Variants in ANK3 observed in about 807,000 individuals in gnomAD.
ANK3 encodes ankyrin-3.
In ANK3, 57 loss-of-function variants were observed where a neutral mutation model predicts 370.9. The ratio of observed to expected loss-of-function variants is 0.15; its 90% CI spans 0.12 to 0.19. The LOEUF is 0.19. ANK3 is among the 10% of genes least tolerant of loss of function. ANK3 has a pLI of 1.00. For missense variants in ANK3, 4,439 were observed against 5,302.1 expected, an observed-to-expected ratio of 0.84 and a Z score of 5.06; for synonymous variants, 1,929 against 1,946.3, an observed-to-expected ratio of 0.99 and a Z score of 0.23.
intron 7 of ANK3, among the ~76,000 whole-genome samples, chr10:60,253,901 CA>C (rs1227084697): frequency 6.6e-6 from 1 of 151,850 alleles, no homozygotes; most frequent in Non-Finnish European, 1.5e-5. Flanking sequence ...ATTCAAATGC[CA>C]AAAAAAGTCT....
At chr10:60,348,087 A>C (rs2056032234) in intron 1 of ANK3, among the ~76,000 whole-genome samples, 1 of 152,068 alleles carries the variant, frequency 6.6e-6, no homozygotes, top group African/African-American at 2.4e-5. Context: ...TCCTACACTA[A>C]TTTAGGGCCT....
chr10:60,230,959 G>A (rs190554829), intron 8 of ANK3, among the ~76,000 whole-genome samples: 15 of 150,020 alleles, frequency 1.0e-4, no homozygotes, highest in Non-Finnish European at 1.6e-4. Flanking sequence ...ACACCTCTAA[G>A]AAGATTCATG....
rs199886534 is a variant in ANK3 at position 60,696,290 on chromosome 10, C to T, written c.57+36973G>A. 4.2e-3 allele frequency among the ~76,000 whole-genome samples: 635 copies of T among 149,412 alleles called. 20 individuals are homozygous for T. In the East Asian group the frequency reaches 0.088, roughly 21 times the overall value. On this transcript the variant is annotated intron_variant, in intron 1 of 43. Coordinates refer to the ANK3 transcript ENST00000373827. ...TTACCAACCAAAAAGAGTCCAGGAC[C>T]AGATGGATTCACAGCCGAATTCTAC...
Position 60,070,699 on chromosome 10 carries a change from C to T in ANK3, c.10182G>A (p.Glu3394=), listed in dbSNP as rs1267435472. 2 of 1,614,050 alleles carry T rather than the reference C, an allele frequency of 1.2e-6. No individual in the cohort carries two copies. Among genetic ancestry groups the T allele is most frequent in the Admixed American group, 1.7e-5 (1 of 59,996 alleles). The change falls in exon 37 of 44, where the codon GAG becomes GAA. Residue 3394 remains glutamate, a synonymous_variant. Transcript: ENST00000280772. The surrounding 1 kb of genome is among the most constrained non-coding windows in gnomAD (Gnocchi z 5.7). ...ACTCTGCTGTGGTGGCAATGGAACA[C>T]TCTGTGATGGACTGGTCGTTGTTCC... ...QNGNNDQSIT[E]CSIATTAEFS...
At chr10:60,085,501 T>A (rs1305896177) in intron 30 of ANK3, among the ~76,000 whole-genome samples, 2 of 152,170 alleles carry the variant, frequency 1.3e-5, no homozygotes, top group African/African-American at 2.4e-5. Context: ...GTCTGGGTAC[T>A]AATGAATGGC....
rs375227564 is a variant in ANK3 at position 60,695,149 on chromosome 10, G to C, written c.57+38114C>G. 2.6e-5 allele frequency among the ~76,000 whole-genome samples: 4 copies of C among 152,152 alleles called. No homozygotes were observed. In the East Asian group the frequency reaches 7.7e-4, roughly 29 times the overall value. On this transcript the variant is annotated intron_variant, in intron 1 of 43. Coordinates refer to the ANK3 transcript ENST00000373827. ...ACCAACAAAGATCAAAAGAGACAAA[G>C]AAGTCCATTACATAATGGTAAAGGG...
chr10:60,422,801 A>C (rs190299042), intron 2 of ANK3, among the ~76,000 whole-genome samples: 32 of 152,226 alleles, frequency 2.1e-4, no homozygotes, highest in Admixed American at 1.5e-3. Context: ...CAGTCAAAAT[A>C]ATCATACTAA....
chr10:60,351,023 T>C (rs1393402206), intron 1 of ANK3, among the ~76,000 whole-genome samples: 1 of 112,170 alleles, frequency 8.9e-6, no homozygotes, highest in Non-Finnish European at 2.0e-5. Flanking sequence ...TCAGGGGGCA[T>C]ATATTTCCTC....
intron 2 of ANK3, among the ~76,000 whole-genome samples, chr10:60,438,320 G>A (rs1442183130): frequency 6.6e-6 from 1 of 152,058 alleles, no homozygotes; most frequent in South Asian, 2.1e-4. Context: ...CATTAAAAAT[G>A]AGAACTCCGT....
At chr10:60,372,435 A>AGT (rs1006518297) in intron 1 of ANK3, among the ~76,000 whole-genome samples, 28 of 140,386 alleles carry the variant, frequency 2.0e-4, no homozygotes, top group African/African-American at 7.5e-4. Context: ...AGAAACAGGG[A>AGT]GCGTTTAACT....
At chr10:60,591,301 T>A (rs898675022) in intron 2 of ANK3, among the ~76,000 whole-genome samples, 1 of 123,004 alleles carries the variant, frequency 8.1e-6, no homozygotes, top group African/African-American at 3.1e-5. Context: ...TTTTTATTTT[T>A]ATTTTATTTA....
intron 1 of ANK3, among the ~76,000 whole-genome samples, chr10:60,358,661 C>T (rs2058155118): frequency 6.6e-6 from 1 of 152,142 alleles, no homozygotes. Flanking sequence ...GACTGACTTG[C>T]TGATGTAGCT....
chr10:60,364,742 C>CCTA (rs1285239593), intron 1 of ANK3, among the ~76,000 whole-genome samples: 2 of 91,018 alleles, frequency 2.2e-5, no homozygotes, highest in African/African-American at 5.5e-5. Flanking sequence ...AGCCATAGAG[C>CCTA]CTACTAGTAA....
chr10:60,130,352 G>C (rs963997211), intron 25 of ANK3, among the ~76,000 whole-genome samples: 5 of 152,136 alleles, frequency 3.3e-5, no homozygotes, highest in African/African-American at 1.2e-4. Context: ...TTAATCAGCA[G>C]GATAATAAAG....
chr10:60,601,263 T>C (rs957032926), intron 2 of ANK3, among the ~76,000 whole-genome samples: 2 of 151,270 alleles, frequency 1.3e-5, no homozygotes, highest in African/African-American at 4.9e-5. Context: ...ACACCTTGAA[T>C]ATGGGCTGTA....
At chr10:60,259,322 C>A (rs1156665586) in intron 7 of ANK3, among the ~76,000 whole-genome samples, 1 of 152,174 alleles carries the variant, frequency 6.6e-6, no homozygotes, top group Non-Finnish European at 1.5e-5. Context: ...GAATATGCAA[C>A]AGCCCAAGCC....
intron 2 of ANK3, among the ~76,000 whole-genome samples, chr10:60,531,112 T>A (rs1003947440): frequency 1.3e-5 from 2 of 152,152 alleles, no homozygotes; most frequent in African/African-American, 4.8e-5. Flanking sequence ...TTTGCTCAGA[T>A]GTGATGTTTT....
chr10:60,694,467 G>T (rs1198865724), intron 1 of ANK3, among the ~76,000 whole-genome samples: 1 of 152,096 alleles, frequency 6.6e-6, no homozygotes, highest in Non-Finnish European at 1.5e-5. Context: ...AAGTTGAAAT[G>T]AAGGAAAAAA....
chr10:60,399,668 T>G (rs757644811), intron 2 of ANK3, among the ~76,000 whole-genome samples: 62 of 152,300 alleles, frequency 4.1e-4, no homozygotes, highest in Non-Finnish European at 5.4e-4. Flanking sequence ...TCTGCCCCAG[T>G]GCTTCCGCCG....
Sources: allele counts gnomAD v4.1 joint callset (sites outside exome capture counted in the v4.1 genomes callset), GRCh38; gene constraint gnomAD v4.1.1; non-coding constraint Gnocchi (gnomAD v3.1); transcripts MANE v1.5; gene names NCBI Gene and HGNC (gene_info 2026-07-23, HGNC 2026-07-21).